TENM3: variants seen among roughly 807,000 people sequenced by gnomAD.
TENM3 encodes teneurin-3.
TENM3 carries 63 observed loss-of-function variants against 255.1 expected under a neutral mutation model. The ratio of observed to expected loss-of-function variants is 0.25; its 90% CI spans 0.20 to 0.30. The LOEUF (loss-of-function observed/expected upper bound fraction) is 0.30, where lower values mean the gene tolerates loss of function less well. TENM3 is among the 10% of genes least tolerant of loss of function. TENM3 has a pLI of 1.00. For synonymous variants in TENM3, 1,306 were observed against 1,322.3 expected, an observed-to-expected ratio of 0.99 and a Z score of 0.27; for missense variants, 2,929 against 3,461.1, an observed-to-expected ratio of 0.85 and a Z score of 3.86.
chr4:182,352,576 T>C (rs1231030578), intron 3 of TENM3, among the ~76,000 whole-genome samples: 1 of 152,128 alleles, frequency 6.6e-6, no homozygotes, highest in Admixed American at 6.5e-5. Flanking sequence ...TGCATGATAC[T>C]GAAGTATTAT....
chr4:181,846,598 C>T, the TENM3 span, among the ~76,000 whole-genome samples: 5 of 152,242 alleles, frequency 3.3e-5, no homozygotes, highest in South Asian at 2.1e-4. Context: ...TATTAAGAGA[C>T]AAGACAATTT....
At chr4:182,076,312 C>T in the TENM3 span, among the ~76,000 whole-genome samples, 3 of 149,478 alleles carry the variant, frequency 2.0e-5, no homozygotes, top group African/African-American at 7.4e-5. Flanking sequence ...TCAAGCGATT[C>T]TCTTGCCTCA....
chr4:181,825,400 C>CAA, the TENM3 span, among the ~76,000 whole-genome samples: 64 of 70,426 alleles, frequency 9.1e-4, 2 homozygotes, highest in African/African-American at 3.0e-3. Context: ...GACTCCATCT[C>CAA]AAAAAAAAAA....
chr4:181,679,802 A>G, the TENM3 span, among the ~76,000 whole-genome samples: 1 of 152,184 alleles, frequency 6.6e-6, no homozygotes, highest in East Asian at 1.9e-4. Flanking sequence ...CATAAAACTA[A>G]GTCTTTCTGT....
At chr4:182,289,777 G>A (rs1358821463) in intron 1 of TENM3, among the ~76,000 whole-genome samples, 1 of 152,156 alleles carries the variant, frequency 6.6e-6, no homozygotes, top group African/African-American at 2.4e-5. Flanking sequence ...CCTTGTAGAA[G>A]TTGAATTTAA....
At chr4:182,731,779 C>CT (rs1199920334) in intron 16 of TENM3, among the ~76,000 whole-genome samples, 1 of 139,306 alleles carries the variant, frequency 7.2e-6, no homozygotes, top group Non-Finnish European at 1.6e-5. Context: ...CTAGTTATTT[C>CT]TTTTTTCTTT....
intron 3 of TENM3, among the ~76,000 whole-genome samples, chr4:182,523,302 C>T (rs957146037): frequency 2.0e-5 from 3 of 152,074 alleles, no homozygotes; most frequent in Non-Finnish European, 2.9e-5. Context: ...AGGGAGAATG[C>T]TGTTGCCACC....
the TENM3 span, among the ~76,000 whole-genome samples, chr4:182,008,147 C>T: frequency 6.6e-6 from 1 of 152,226 alleles, no homozygotes; most frequent in East Asian, 1.9e-4. Flanking sequence ...TCTCTGGCTG[C>T]CCTTAACAGT....
At chr4:182,474,568 A>T (rs1039821507) in intron 3 of TENM3, among the ~76,000 whole-genome samples, 1 of 152,200 alleles carries the variant, frequency 6.6e-6, no homozygotes, top group African/African-American at 2.4e-5. Context: ...ACTGTCCCAG[A>T]TTGAAAATTA....
chr4:181,998,643 G>C, the TENM3 span, among the ~76,000 whole-genome samples: 3 of 152,024 alleles, frequency 2.0e-5, no homozygotes, highest in Non-Finnish European at 2.9e-5. Flanking sequence ...CCCCACCCTA[G>C]ATGTTGAGAC....
chr4:182,525,000 A>G (rs1047418548), intron 3 of TENM3, among the ~76,000 whole-genome samples: 1 of 152,274 alleles, frequency 6.6e-6, no homozygotes, highest in African/African-American at 2.4e-5. Flanking sequence ...ACTGCACTCC[A>G]GCCTTGGCGA....
At position 182,157,014 on chromosome 4, in the gene TENM3, G is replaced by A. The variant is rs763642800; in HGVS notation, c.-76+12260G>A. 6.4e-4 allele frequency among the ~76,000 whole-genome samples: 97 copies of A among 152,172 alleles called. 3 individuals carry two copies. The highest frequency in any genetic ancestry group is 5.3e-4 in the Non-Finnish European group (36 of 68,022). ...GAAGGATTACTACTTTGGTCAGATC[G>A]TATGTAAATAGCCCATGGGTCTTTG... On this transcript the variant is annotated intron_variant, in intron 1 of 2. Transcript: ENST00000512480.
the TENM3 span, among the ~76,000 whole-genome samples, chr4:181,833,392 C>T: frequency 1.3e-5 from 2 of 152,152 alleles, no homozygotes; most frequent in Non-Finnish European, 2.9e-5. Flanking sequence ...AGCTTCCTTA[C>T]TGTACTCTGC....
intron 7 of TENM3, among the ~76,000 whole-genome samples, chr4:182,677,393 C>T (rs1291383073): frequency 6.6e-6 from 1 of 152,136 alleles, no homozygotes; most frequent in Non-Finnish European, 1.5e-5. Context: ...CAAAATTCCT[C>T]CCGTTCACTT....
chr4:181,685,155 C>A, the TENM3 span, among the ~76,000 whole-genome samples: 1 of 152,040 alleles, frequency 6.6e-6, no homozygotes, highest in Admixed American at 6.6e-5. Flanking sequence ...TGATTAAAAT[C>A]ATTTCTTCTA....
At chr4:182,329,231 A>C (rs1387397354) in intron 2 of TENM3, among the ~76,000 whole-genome samples, 1 of 152,184 alleles carries the variant, frequency 6.6e-6, no homozygotes, top group African/African-American at 2.4e-5. Flanking sequence ...GCTTTGTGCC[A>C]GAAGAGAGTG....
At chr4:182,534,351 C>A (rs1740072370) in intron 3 of TENM3, among the ~76,000 whole-genome samples, 1 of 152,030 alleles carries the variant, frequency 6.6e-6, no homozygotes, top group Non-Finnish European at 1.5e-5. Flanking sequence ...TATAAAGATA[C>A]AAAGTTGAGA....
At chr4:181,537,204 T>C in the TENM3 span, among the ~76,000 whole-genome samples, 1 of 152,196 alleles carries the variant, frequency 6.6e-6, no homozygotes. Flanking sequence ...GTCTACACCT[T>C]TGACATCACT....
At chr4:181,621,578 A>G in the TENM3 span, among the ~76,000 whole-genome samples, 1 of 152,182 alleles carries the variant, frequency 6.6e-6, no homozygotes, top group Admixed American at 6.5e-5. Flanking sequence ...AAACCTCAAG[A>G]GGTCGATAAC....
Sources: allele counts gnomAD v4.1 joint callset (sites outside exome capture counted in the v4.1 genomes callset), GRCh38; gene constraint gnomAD v4.1.1; transcripts MANE v1.5; gene names NCBI Gene and HGNC (gene_info 2026-07-23, HGNC 2026-07-21).